ADGRG1: variants seen among roughly 807,000 people sequenced by gnomAD.
The protein encoded by ADGRG1 is adhesion G protein-coupled receptor G1, also known as 7-transmembrane protein with no EGF-like N-terminal domains-1.
A neutral mutation model predicts 73.5 loss-of-function variants in ADGRG1; 53 were observed. That is an observed-to-expected ratio of 0.72 (90% CI 0.58 to 0.91). The LOEUF (loss-of-function observed/expected upper bound fraction) is 0.91. ADGRG1 is among the 40% of genes least tolerant of loss of function. The pLI, the probability that ADGRG1 is intolerant of heterozygous loss-of-function variation, is 0.00. For missense variants in ADGRG1, 795 were observed against 871.8 expected, an observed-to-expected ratio of 0.91 and a Z score of 1.11; for synonymous variants, 394 against 374.4, an observed-to-expected ratio of 1.05 and a Z score of -0.60.
At chr16:57,636,015 C>T (rs1289622324) in intron 1 of ADGRG1, 9 of 985,246 alleles carry the variant, frequency 9.1e-6, no homozygotes, top group Non-Finnish European at 1.1e-5. Context: ...CACACCCCAC[C>T]CCCAGCCTGC....
At chr16:57,630,348 C>T in intron 1 of ADGRG1, 2 of 985,066 alleles carry the variant, frequency 2.0e-6, no homozygotes, top group Non-Finnish European at 2.4e-6. Context: ...GTGGAATGAG[C>T]TCTTAGGGCC....
chr16:57,655,114 G>C, intron 5 of ADGRG1: 1 of 985,304 alleles, frequency 1.0e-6, no homozygotes, highest in Non-Finnish European at 1.2e-6. Flanking sequence ...GGCTGCTGTA[G>C]GCAGAGCTGG....
chr16:57,634,033 G>C (rs998698569), intron 1 of ADGRG1: 3 of 981,544 alleles, frequency 3.1e-6, no homozygotes, highest in Non-Finnish European at 3.6e-6. Flanking sequence ...CAGAACCGCC[G>C]ACCTTTCAAA....
intron 1 of ADGRG1, chr16:57,632,976 C>T: frequency 1.0e-6 from 1 of 983,220 alleles, no homozygotes; most frequent in Non-Finnish European, 1.2e-6. Flanking sequence ...AGATAGAGAG[C>T]CGCCTCTGCC....
At chr16:57,625,680 C>T, upstream of ADGRG1, 3 of 984,358 alleles carry the variant, frequency 3.0e-6, no homozygotes, top group Non-Finnish European at 3.6e-6. Flanking sequence ...AGGTCTCAGG[C>T]TATCTGTAGG....
chr16:57,646,995 C>T, intron 1 of ADGRG1: 3 of 978,372 alleles, frequency 3.1e-6, no homozygotes, highest in South Asian at 9.5e-5. Context: ...GGATCTGCGG[C>T]TCCAGAGGCA....
chr16:57,651,955 G>A (rs1383074656), intron 3 of ADGRG1: 1 of 1,297,100 alleles, frequency 7.7e-7, no homozygotes, highest in East Asian at 3.6e-5. Flanking sequence ...AGAGAGCAGA[G>A]ACTGGAAAGG....
At chr16:57,643,675 A>G in intron 1 of ADGRG1, 1 of 984,940 alleles carries the variant, frequency 1.0e-6, no homozygotes, top group Non-Finnish European at 1.2e-6. Context: ...GCTTCATTTT[A>G]TTCTCCTTTA....
chr16:57,630,159 C>A, intron 1 of ADGRG1: 1 of 454,470 alleles, frequency 2.2e-6, no homozygotes, highest in Non-Finnish European at 2.9e-6. Flanking sequence ...GTGGCCCAGA[C>A]CCAGAGCCAA....
rs192514604 is a variant in ADGRG1, at chr16:57,636,793, G to T, written c.-36+7991G>T. The T allele has an allele frequency of 1.6e-4, 115 of 738,250 alleles. No homozygotes were observed. In the Middle Eastern group the frequency reaches 5.6e-3, roughly 36 times the overall value. 45.7% of individuals were successfully genotyped at this position (738,250 alleles called of 1,614,324 possible). A position where few individuals can be genotyped will look rare whatever the true frequency, so the allele number is the denominator to read the frequency against. ...TGTGCTAGGTACTGGAGATGCAGGT[G>T]GTGAGCAAGACAGGTGAGACAGCAA... On this transcript the variant is annotated intron_variant, in intron 1 of 13. Transcript: ENST00000562631.
In ADGRG1 at chr16:57,655,391, C is replaced by T; in HGVS notation, c.769-8C>T. ...GCATTTGGCTGAGCCCTAAAGGGACCTCTGCAGGAGGAGCAGAGCGAGATC... is the reference window on the plus strand; with the variant it reads ...GCATTTGGCTGAGCCCTAAAGGGACTTCTGCAGGAGGAGCAGAGCGAGATC... On this transcript the variant is annotated splice_polypyrimidine_tract_variant and splice_region_variant and intron_variant, in intron 5 of 13. Transcript: ENST00000562631. 2 of 1,612,778 alleles carry T rather than the reference C, an allele frequency of 1.2e-6. No homozygotes were observed. The highest frequency in any genetic ancestry group is 8.5e-7 in the Non-Finnish European group (1 of 1,179,948).
intron 1 of ADGRG1, chr16:57,636,322 C>G: frequency 1.0e-6 from 1 of 985,352 alleles, no homozygotes; most frequent in African/African-American, 1.7e-5. Context: ...TTAAAGCTGT[C>G]TGTGGCCCCA....
At chr16:57,629,635 GC>G (rs2037162691) in intron 1 of ADGRG1, among the ~76,000 whole-genome samples, 1 of 152,164 alleles carries the variant, frequency 6.6e-6, no homozygotes, top group South Asian at 2.1e-4. Flanking sequence ...GGAGAAGGTG[GC>G]CCCGCAGGGT....
At chr16:57,653,948 C>T in intron 4 of ADGRG1, 38 bp from the exon 5 acceptor site, 1 of 1,613,002 alleles carries the variant, frequency 6.2e-7, no homozygotes. Context: ...GGCCCGGCCC[C>T]CTCCCCACCA....
chr16:57,659,606 C>T lies in ADGRG1; in HGVS notation c.1480C>T (p.Leu494Phe). The change falls in exon 11 of 14, where the codon CTC becomes TTC. Residue 494 changes from leucine to phenylalanine, a missense_variant. Physicochemically the swap from Leu to Phe is conservative, Grantham distance 22 (BLOSUM62 0). Transcript: ENST00000562631. ...CTGGATGGGCCTCGAGGGGTACAAC[C>T]TCTACCGACTCGTGGTGGAGGTCTT... ...LSWMGLEGYN[L>F]YRLVVEVFGT... 1 of 1,614,070 alleles carries T rather than the reference C, an allele frequency of 6.2e-7. No individual in the cohort carries two copies. Among genetic ancestry groups the T allele is most frequent in the Non-Finnish European group, 8.5e-7 (1 of 1,179,948 alleles).
At chr16:57,622,805 G>T, upstream of ADGRG1, 1 of 985,428 alleles carries the variant, frequency 1.0e-6, no homozygotes, top group South Asian at 4.7e-5. Flanking sequence ...ATCTCAGGCA[G>T]CGGGGCACCC....
At chr16:57,643,387 G>A (rs1303615134) in intron 1 of ADGRG1, 2 of 174,648 alleles carry the variant, frequency 1.1e-5, no homozygotes, top group African/African-American at 2.4e-5. Flanking sequence ...GGAGGACTTG[G>A]AGTCCCTTCC....
chr16:57,632,427 C>A (rs1190521127), intron 1 of ADGRG1: 1 of 659,366 alleles, frequency 1.5e-6, no homozygotes, highest in Non-Finnish European at 1.9e-6. Flanking sequence ...CTATTATGAG[C>A]ATGAAGAGAG....
chr16:57,648,828 C>A, intron 1 of ADGRG1: 1 of 412,062 alleles, frequency 2.4e-6, no homozygotes, highest in Non-Finnish European at 3.3e-6. Flanking sequence ...TCTGGCAAGT[C>A]TACAAGTGCC....
Sources: gnomAD v4.1 joint callset for allele counts (sites outside exome capture counted in the v4.1 genomes callset) on GRCh38, gnomAD v4.1.1 for gene constraint, MANE v1.5 for transcripts, NCBI Gene and HGNC (gene_info 2026-07-23, HGNC 2026-07-21) for gene names.